The following KCND2 variants were observed in gnomAD, a reference collection of about 807,000 sequenced individuals.
KCND2 encodes A-type voltage-gated potassium channel KCND2.
KCND2 carries 16 observed loss-of-function variants against 54.4 expected under a neutral mutation model. That is an observed-to-expected ratio of 0.29 (90% CI 0.20 to 0.45). The LOEUF (loss-of-function observed/expected upper bound fraction) is 0.45, where lower values mean the gene tolerates loss of function less well. Among genes scored for constraint, KCND2 ranks in the 20% least tolerant of loss-of-function variants. The pLI is 1.00. For synonymous variants in KCND2, 317 were observed against 310.7 expected (o/e 1.02, Z -0.21); for missense variants, 486 against 824.2 (o/e 0.59, Z 5.02).
chr7:120,316,569 A>G (rs1044909369), intron 1 of KCND2, among the ~76,000 whole-genome samples: 2 of 152,136 alleles, frequency 1.3e-5, no homozygotes, highest in Non-Finnish European at 2.9e-5. Flanking sequence ...TTTTATTCCA[A>G]TGGATTTATT....
intron 1 of KCND2, among the ~76,000 whole-genome samples, chr7:120,325,893 A>G (rs1799967223): frequency 6.6e-6 from 1 of 152,098 alleles, no homozygotes; most frequent in Non-Finnish European, 1.5e-5. Context: ...GCAGGAGAAG[A>G]AAGCTGACAT....
At chr7:120,406,561 A>G (rs1336895472) in intron 1 of KCND2, among the ~76,000 whole-genome samples, 2 of 152,050 alleles carry the variant, frequency 1.3e-5, no homozygotes, top group Non-Finnish European at 2.9e-5. Context: ...CTTGTCAACA[A>G]TAGAAATATG....
chr7:120,604,955 C>T lies in KCND2; in HGVS notation c.1116-127948C>T, dbSNP rs57220416. 1.1e-4 allele frequency among the ~76,000 whole-genome samples: 16 copies of T among 152,220 alleles called. No homozygotes were observed. The East Asian group carries it at 2.9e-3, about 28-fold the overall frequency. On this transcript the variant is annotated intron_variant, in intron 1 of 5. Transcript: ENST00000331113. ...TATCCAATTGTAATTTTCTCCTCTCCTGAAGTGAAAGCAATCTTTGAAGTA... is the reference window on the plus strand; with the variant it reads ...TATCCAATTGTAATTTTCTCCTCTCTTGAAGTGAAAGCAATCTTTGAAGTA...
At chr7:120,644,195 G>A (rs1793410262) in intron 1 of KCND2, among the ~76,000 whole-genome samples, 1 of 152,098 alleles carries the variant, frequency 6.6e-6, no homozygotes, top group Non-Finnish European at 1.5e-5. Context: ...TATATGCAGA[G>A]GAAAATAGTA....
intron 1 of KCND2, among the ~76,000 whole-genome samples, chr7:120,454,109 A>T (rs1201948129): frequency 3.9e-5 from 6 of 152,148 alleles, no homozygotes; most frequent in Non-Finnish European, 8.8e-5. Flanking sequence ...ATAAAAAGTT[A>T]AAAAGATCTC....
At chr7:120,408,765 G>C (rs1801403290) in intron 1 of KCND2, among the ~76,000 whole-genome samples, 1 of 151,434 alleles carries the variant, frequency 6.6e-6, no homozygotes, top group African/African-American at 2.4e-5. Context: ...TCAGAGACAG[G>C]GTACTCTTTT....
intron 1 of KCND2, among the ~76,000 whole-genome samples, chr7:120,676,219 GCTT>G (rs1792059243): frequency 6.6e-6 from 1 of 152,066 alleles, no homozygotes; most frequent in Non-Finnish European, 1.5e-5. Flanking sequence ...ATTTTAGCCA[GCTT>G]CTTATCTCTT....
chr7:120,463,634 G>A (rs996608556), intron 1 of KCND2, among the ~76,000 whole-genome samples: 5 of 152,002 alleles, frequency 3.3e-5, no homozygotes, highest in Non-Finnish European at 4.4e-5. Context: ...ATTATAGGTT[G>A]AAATTTACTA....
intron 1 of KCND2, among the ~76,000 whole-genome samples, chr7:120,379,775 C>T (rs978803214): frequency 2.6e-5 from 4 of 152,022 alleles, no homozygotes; most frequent in African/African-American, 7.2e-5. Context: ...CTCTCTCTGC[C>T]TGCTGTGGCC....
At chr7:120,680,918 C>T (rs542526962) in intron 1 of KCND2, among the ~76,000 whole-genome samples, 2 of 149,752 alleles carry the variant, frequency 1.3e-5, no homozygotes, top group Non-Finnish European at 1.5e-5. Context: ...TGAGAAGGAG[C>T]AGTTCCCTTA....
At chr7:120,648,818 A>C (rs1215237592) in intron 1 of KCND2, among the ~76,000 whole-genome samples, 2 of 152,260 alleles carry the variant, frequency 1.3e-5, no homozygotes, top group African/African-American at 4.8e-5. Context: ...ATAGCATTTC[A>C]TCTAAATGGC....
At chr7:120,424,719 A>G (rs537312823) in intron 1 of KCND2, among the ~76,000 whole-genome samples, 1 of 152,326 alleles carries the variant, frequency 6.6e-6, no homozygotes, top group African/African-American at 2.4e-5. Context: ...CCCCTGTAAG[A>G]CATTTGAACC....
chr7:120,396,590 T>C (rs1346231993), intron 1 of KCND2, among the ~76,000 whole-genome samples: 1 of 152,026 alleles, frequency 6.6e-6, no homozygotes, highest in Non-Finnish European at 1.5e-5. Context: ...GAGTTTCTAC[T>C]AACGTTGGAA....
intron 1 of KCND2, among the ~76,000 whole-genome samples, chr7:120,402,996 A>T (rs75084238): frequency 0.034 from 5,235 of 152,288 alleles, 117 homozygotes; most frequent in Non-Finnish European, 0.052. Flanking sequence ...AATACAGAAG[A>T]TACTGAACTT....
intron 1 of KCND2, among the ~76,000 whole-genome samples, chr7:120,636,410 G>A (rs1793305521): frequency 6.6e-6 from 1 of 152,114 alleles, no homozygotes; most frequent in African/African-American, 2.4e-5. Flanking sequence ...TTGCACTAAA[G>A]AGTCTAGAGC....
chr7:120,558,959 A>G (rs1792198424), intron 1 of KCND2, among the ~76,000 whole-genome samples: 1 of 151,826 alleles, frequency 6.6e-6, no homozygotes. Flanking sequence ...TATATAAAAT[A>G]TTGATAAGTG....
At position 120,701,738 on chromosome 7, in the gene KCND2, G is replaced by A. The variant is rs542863207; in HGVS notation, c.1116-31165G>A. The stretch of plus-strand genomic sequence containing the variant: ...TTTAATAAATGGTGTTGGGAAAAGT[G>A]GCTGGCCATGTGCAGAAGATTGAAA... On this transcript the variant is annotated intron_variant, in intron 1 of 5. Transcript: ENST00000331113. 2.6e-5 allele frequency among the ~76,000 whole-genome samples: 4 copies of A among 152,236 alleles called. No homozygotes were observed. The South Asian group carries it at 8.3e-4, about 32-fold the overall frequency.
rs569813896 is a variant in KCND2, at chr7:120,303,562, A to C, written c.1115+27815A>C. On this transcript the variant is annotated intron_variant, in intron 1 of 5. Coordinates refer to ENST00000331113, the MANE Select transcript of KCND2 (RefSeq NM_012281.3). ...TTAGTTTATCCTCAATATTCTGCCAAAGACAAAATTTTTACTTCAGCAGGA... is the reference window on the plus strand; with the variant it reads ...TTAGTTTATCCTCAATATTCTGCCACAGACAAAATTTTTACTTCAGCAGGA... Among the ~76,000 whole-genome samples, 29 of 152,306 alleles carry C rather than the reference A, an allele frequency of 1.9e-4. No individual in the cohort carries two copies. The East Asian group carries it at 3.9e-3, about 20-fold the overall frequency.
intron 1 of KCND2, among the ~76,000 whole-genome samples, chr7:120,535,377 C>G (rs371381919): frequency 1.6e-4 from 24 of 152,222 alleles, no homozygotes; most frequent in African/African-American, 5.8e-4. Context: ...TATAGGTAGA[C>G]TATCTTACAG....
Sources: allele counts gnomAD v4.1 joint callset (sites outside exome capture counted in the v4.1 genomes callset), GRCh38; gene constraint gnomAD v4.1.1; transcripts MANE v1.5; gene names NCBI Gene and HGNC (gene_info 2026-07-23, HGNC 2026-07-21).